CTNNA2: variants seen among roughly 807,000 people sequenced by gnomAD.
The protein encoded by CTNNA2 is catenin alpha 2, also known as catenin alpha-2.
Under a neutral mutation model 101.0 loss-of-function variants are expected in CTNNA2, and 42 were observed. That is an observed-to-expected ratio of 0.42 (90% confidence interval 0.32 to 0.54). The LOEUF is 0.54. Among genes scored for constraint, CTNNA2 ranks in the 20% least tolerant of loss-of-function variants. The probability of loss-of-function intolerance (pLI) is 0.14; values close to 1 mark genes in which losing one functional copy is unlikely to be tolerated. For synonymous variants in CTNNA2, 450 were observed against 456.4 expected (o/e 0.99, Z 0.18); for missense variants, 871 against 1,223.1 (o/e 0.71, Z 4.29).
chr2:80,480,170 C>G (rs568279548), intron 9 of CTNNA2, among the ~76,000 whole-genome samples: 1 of 152,072 alleles, frequency 6.6e-6, no homozygotes, highest in South Asian at 2.1e-4. Context: ...ATTTTTCCCA[C>G]AAATTAAAGT....
At chr2:79,386,691 T>A (rs1484310285) in intron 4 of CTNNA2, among the ~76,000 whole-genome samples, 2 of 152,242 alleles carry the variant, frequency 1.3e-5, no homozygotes, top group East Asian at 3.8e-4. Flanking sequence ...AGTCTCAAGA[T>A]AAGAAATGCT....
chr2:80,239,917 A>C (rs935803911), intron 7 of CTNNA2, among the ~76,000 whole-genome samples: 4 of 152,100 alleles, frequency 2.6e-5, no homozygotes, highest in Non-Finnish European at 2.9e-5. Flanking sequence ...CATCTCAAAA[A>C]AAAAAACAAA....
chr2:79,829,646 TAA>T (rs1223378904), intron 3 of CTNNA2, among the ~76,000 whole-genome samples: 5 of 152,070 alleles, frequency 3.3e-5, no homozygotes, highest in African/African-American at 9.7e-5. Context: ...TGTCTGTTTT[TAA>T]AAAAGAGGAG....
intron 4 of CTNNA2, among the ~76,000 whole-genome samples, chr2:79,468,899 T>C (rs539207229): frequency 6.6e-6 from 1 of 152,306 alleles, no homozygotes; most frequent in Non-Finnish European, 1.5e-5. Flanking sequence ...GGGAAATTTA[T>C]AGCACTAAAT....
chr2:80,151,973 A>G (rs898969241), intron 7 of CTNNA2, among the ~76,000 whole-genome samples: 2 of 152,252 alleles, frequency 1.3e-5, no homozygotes, highest in African/African-American at 4.8e-5. Flanking sequence ...TGCCATGGGC[A>G]TCAGGCAAGG....
At chr2:79,742,505 G>T (rs981472090) in intron 2 of CTNNA2, among the ~76,000 whole-genome samples, 2 of 152,204 alleles carry the variant, frequency 1.3e-5, no homozygotes, top group Non-Finnish European at 2.9e-5. Flanking sequence ...GGGGACTTAT[G>T]TGCTTGTTTC....
At chr2:79,405,083 ATCACT>A (rs1429310153) in intron 4 of CTNNA2, among the ~76,000 whole-genome samples, 5 of 152,084 alleles carry the variant, frequency 3.3e-5, no homozygotes, top group Non-Finnish European at 7.4e-5. Context: ...AAGATGCCTA[ATCACT>A]TGACTTTAAT....
chr2:79,451,893 A>G (rs1161202221), intron 4 of CTNNA2, among the ~76,000 whole-genome samples: 1 of 151,948 alleles, frequency 6.6e-6, no homozygotes, highest in Non-Finnish European at 1.5e-5. Flanking sequence ...TACAATCCAA[A>G]CTAGCACAAC....
rs149293760 is a variant in CTNNA2 at position 80,252,190 on chromosome 2, G to A, written c.1057-141021G>A. On this transcript the variant is annotated intron_variant, in intron 7 of 18. Transcript: ENST00000402739. ...GGAGCTCTTGAAGGAAAAGGATGAAGTCTTATTTATTTATTTACTGACCCT... is the reference window on the plus strand; with the variant it reads ...GGAGCTCTTGAAGGAAAAGGATGAAATCTTATTTATTTATTTACTGACCCT... 1.4e-3 allele frequency among the ~76,000 whole-genome samples: 214 copies of A among 152,190 alleles called. 1 individual carries two copies. In the East Asian group the frequency reaches 0.015, roughly 11 times the overall value.
intron 3 of CTNNA2, among the ~76,000 whole-genome samples, chr2:79,819,206 C>T (rs538825470): frequency 1.4e-4 from 21 of 151,874 alleles, no homozygotes; most frequent in South Asian, 2.1e-4. Context: ...CTTGAACTCC[C>T]GACCTCAGGT....
intron 2 of CTNNA2, among the ~76,000 whole-genome samples, chr2:79,695,839 T>C (rs1282824207): frequency 6.6e-6 from 1 of 152,028 alleles, no homozygotes; most frequent in Non-Finnish European, 1.5e-5. Context: ...AAGATTACTA[T>C]GGGGTCCCCT....
At chr2:79,210,627 T>C (rs917448067) in intron 2 of CTNNA2, among the ~76,000 whole-genome samples, 3 of 152,168 alleles carry the variant, frequency 2.0e-5, no homozygotes, top group Non-Finnish European at 4.4e-5. Flanking sequence ...ATTTGGTTTC[T>C]GTGACAGTAG....
intron 2 of CTNNA2, among the ~76,000 whole-genome samples, chr2:79,226,333 A>G (rs1287230424): frequency 6.6e-6 from 1 of 152,196 alleles, no homozygotes; most frequent in African/African-American, 2.4e-5. Context: ...CATCTATAAA[A>G]CTGGAATAGC....
At chr2:80,402,295 A>G (rs1678626061) in intron 8 of CTNNA2, among the ~76,000 whole-genome samples, 1 of 152,210 alleles carries the variant, frequency 6.6e-6, no homozygotes, top group Non-Finnish European at 1.5e-5. Context: ...ATAGATTTCC[A>G]AACTCTGTCC....
At chr2:80,563,172 G>A (rs1693759779) in intron 12 of CTNNA2, among the ~76,000 whole-genome samples, 1 of 152,134 alleles carries the variant, frequency 6.6e-6, no homozygotes, top group Admixed American at 6.6e-5. Flanking sequence ...TGTGGTAATG[G>A]CAGTGTAGTA....
At chr2:79,270,412 C>T (rs1204983355) in intron 2 of CTNNA2, among the ~76,000 whole-genome samples, 3 of 152,044 alleles carry the variant, frequency 2.0e-5, no homozygotes, top group East Asian at 1.9e-4. Context: ...ATCAGAGTGA[C>T]GCCAGTCCCA....
intron 4 of CTNNA2, among the ~76,000 whole-genome samples, chr2:79,471,878 G>GAGGC (rs1343791295): frequency 6.6e-6 from 1 of 152,008 alleles, no homozygotes; most frequent in Non-Finnish European, 1.5e-5. Flanking sequence ...CAGTTGTGGG[G>GAGGC]AGGCACATTT....
rs537873026 is a variant in CTNNA2 at position 80,232,937 on chromosome 2, T to G, written c.1057-160274T>G. On this transcript the variant is annotated intron_variant, in intron 7 of 18. Coordinates refer to ENST00000402739, the MANE Select transcript of CTNNA2 (RefSeq NM_001282597.3). ...CAGCTGGGATTCAGCCTAGTTTTTC[T>G]AACTTTATCATGTTTATTTTTTCCA... Among the ~76,000 whole-genome samples, 7 of 152,348 alleles carry G rather than the reference T, an allele frequency of 4.6e-5. No homozygotes were observed. The South Asian group carries it at 1.4e-3, about 32-fold the overall frequency.
intron 4 of CTNNA2, among the ~76,000 whole-genome samples, chr2:79,409,827 A>C (rs1678387452): frequency 1.3e-5 from 2 of 149,518 alleles, no homozygotes; most frequent in Admixed American, 1.3e-4. Flanking sequence ...TTTTTTTCCA[A>C]TTCTGTGAAG....
Sources: allele counts gnomAD v4.1 joint callset (sites outside exome capture counted in the v4.1 genomes callset), GRCh38; gene constraint gnomAD v4.1.1; transcripts MANE v1.5; gene names NCBI Gene and HGNC (gene_info 2026-07-23, HGNC 2026-07-21).